IKZF1: variants seen among roughly 807,000 people sequenced by gnomAD.
IKZF1 encodes IKAROS family zinc finger 1.
IKZF1 carries 10 observed loss-of-function variants against 51.7 expected under a neutral mutation model. The ratio of observed to expected loss-of-function variants is 0.19; its 90% confidence interval spans 0.12 to 0.33. The LOEUF (loss-of-function observed/expected upper bound fraction) is 0.33, where lower values mean the gene tolerates loss of function less well. IKZF1 is among the 10% of genes least tolerant of loss of function. IKZF1 has a pLI of 1.00. For missense variants in IKZF1, 484 were observed against 707.5 expected (o/e 0.68, Z 3.58); for synonymous variants, 280 against 282.3 (o/e 0.99, Z 0.08).
At chr7:50,364,778 G>A (rs1313003400) in intron 3 of IKZF1, among the ~76,000 whole-genome samples, 2 of 152,240 alleles carry the variant, frequency 1.3e-5, no homozygotes, top group South Asian at 4.1e-4. Context: ...AGCTCTCAGT[G>A]ACTGCTGTGC....
intron 2 of IKZF1, among the ~76,000 whole-genome samples, chr7:50,325,056 A>G (rs967290642): frequency 3.9e-5 from 6 of 152,048 alleles, no homozygotes; most frequent in African/African-American, 7.2e-5. Context: ...CGCCCTGTAC[A>G]TGTTTACTCA....
chr7:50,373,648 A>C (rs1357572262), intron 3 of IKZF1, among the ~76,000 whole-genome samples: 1 of 152,224 alleles, frequency 6.6e-6, no homozygotes, highest in African/African-American at 2.4e-5. Context: ...AAAAACCACA[A>C]GGTAAATGAT....
intron 6 of IKZF1, among the ~76,000 whole-genome samples, chr7:50,390,334 G>T (rs1814702068): frequency 6.6e-6 from 1 of 152,192 alleles, no homozygotes; most frequent in African/African-American, 2.4e-5. Flanking sequence ...CTTAATAGAT[G>T]AAGTGTGTGA....
chr7:50,330,447 A>G (rs1461221757), intron 3 of IKZF1, among the ~76,000 whole-genome samples: 1 of 152,168 alleles, frequency 6.6e-6, no homozygotes, highest in Non-Finnish European at 1.5e-5. Context: ...GCAAAAGCCT[A>G]CATGACAAAC....
chr7:50,383,246 C>T (rs1240954811), intron 5 of IKZF1, among the ~76,000 whole-genome samples: 1 of 152,138 alleles, frequency 6.6e-6, no homozygotes, highest in Non-Finnish European at 1.5e-5. Context: ...GTTACAGAGG[C>T]CAGTCTGGGG....
chr7:50,396,732 G>A (rs76799056), intron 7 of IKZF1, among the ~76,000 whole-genome samples: 2,021 of 152,250 alleles, frequency 0.013, 43 homozygotes, highest in African/African-American at 0.044. Flanking sequence ...AATCCTGAAA[G>A]AATGCCAAAG....
chr7:50,382,746 C>T, intron 5 of IKZF1, 39 bp downstream of exon 5: 2 of 1,572,418 alleles, frequency 1.3e-6, no homozygotes, highest in South Asian at 1.1e-5. Flanking sequence ...GTCTGGGTGT[C>T]CCGGGATTCC....
chr7:50,326,257 G>A (rs1251002509), intron 2 of IKZF1, among the ~76,000 whole-genome samples: 1 of 152,126 alleles, frequency 6.6e-6, no homozygotes, highest in Non-Finnish European at 1.5e-5. Flanking sequence ...TTTAATGTTT[G>A]GTTCATCATT....
rs1445361327 is a variant in IKZF1, at chr7:50,401,353, C to A, written c.*726C>A. On this transcript the variant is annotated 3_prime_UTR_variant, in exon 8 of 8. Coordinates refer to ENST00000331340, the MANE Select transcript of IKZF1 (RefSeq NM_006060.6). ...GGATTCACTGGCTTTGCGGAGGCTG[C>A]TCAGATGGCCTGAGCCTCCCGAGGC... 3 of 229,416 alleles carry A rather than the reference C, an allele frequency of 1.3e-5. No homozygotes were observed. The highest frequency in any genetic ancestry group is 2.6e-5 in the Non-Finnish European group (3 of 115,598). The allele number at this position is 229,416 out of a possible 1,614,324, so 14.2% of individuals were successfully genotyped here. A position where few individuals can be genotyped will look rare whatever the true frequency, so the allele number is the denominator to read the frequency against.
intron 3 of IKZF1, among the ~76,000 whole-genome samples, chr7:50,346,593 A>G (rs78167433): frequency 2.4e-3 from 358 of 152,216 alleles, no homozygotes; most frequent in African/African-American, 8.2e-3. Flanking sequence ...GCATTCTTCA[A>G]TGTGCCCAAG....
At chr7:50,348,655 TG>T (rs1025639284) in intron 3 of IKZF1, among the ~76,000 whole-genome samples, 5 of 152,186 alleles carry the variant, frequency 3.3e-5, no homozygotes, top group African/African-American at 1.2e-4. Flanking sequence ...TGCCAGATAT[TG>T]TTAAGTCAGC....
chr7:50,348,178 T>G (rs1353322560), intron 3 of IKZF1, among the ~76,000 whole-genome samples: 1 of 152,234 alleles, frequency 6.6e-6, no homozygotes, highest in African/African-American at 2.4e-5. Context: ...ATCCCATCAG[T>G]CAGCCATACT....
At chr7:50,397,563 A>G (rs1230174869) in intron 7 of IKZF1, among the ~76,000 whole-genome samples, 1 of 152,184 alleles carries the variant, frequency 6.6e-6, no homozygotes, top group African/African-American at 2.4e-5. Context: ...AGACTTTTAT[A>G]TTTAGCAAAA....
At chr7:50,358,511 T>C (rs761600763) in intron 3 of IKZF1, among the ~76,000 whole-genome samples, 6 of 152,168 alleles carry the variant, frequency 3.9e-5, no homozygotes, top group Non-Finnish European at 5.9e-5. Context: ...TATGGTGACA[T>C]GAGGCTGGCG....
intron 2 of IKZF1, among the ~76,000 whole-genome samples, chr7:50,323,198 C>T (rs1038477935): frequency 1.3e-5 from 2 of 152,184 alleles, no homozygotes; most frequent in African/African-American, 4.8e-5. Context: ...GAAGAAAATA[C>T]AGTTATCATT....
chr7:50,395,658 T>C lies in IKZF1; in HGVS notation c.850+3795T>C, dbSNP rs1816505300. Reference sequence around the variant, plus strand: ...TTATTACTAACTCTATTTAAATAGATTCAAGGATCAGACCCTGCCCTTTTC... The same window carrying C: ...TTATTACTAACTCTATTTAAATAGACTCAAGGATCAGACCCTGCCCTTTTC... On this transcript the variant is annotated intron_variant, in intron 7 of 7. Transcript: ENST00000331340. 2.0e-5 allele frequency among the ~76,000 whole-genome samples: 3 copies of C among 152,222 alleles called. No individual in the cohort carries two copies. The South Asian group carries it at 6.2e-4, about 32-fold the overall frequency.
Position 50,343,128 on chromosome 7 carries a change from C to T in IKZF1, c.160+15371C>T, listed in dbSNP as rs561117551. ...CTCTTTTTTTCTTTCCTCCCTCCCTCCCTTTCTTTCTTCCTTCCTTTCTTT... is the reference window on the plus strand; with the variant it reads ...CTCTTTTTTTCTTTCCTCCCTCCCTTCCTTTCTTTCTTCCTTCCTTTCTTT... On this transcript the variant is annotated intron_variant, in intron 3 of 7. Transcript: ENST00000331340. 9.6e-4 allele frequency among the ~76,000 whole-genome samples: 135 copies of T among 140,646 alleles called. 1 individual carries two copies. The Middle Eastern group carries it at 0.014, about 14-fold the overall frequency. 92.3% of individuals were successfully genotyped at this position (140,646 alleles called of 152,430 possible). A position where few individuals can be genotyped will look rare whatever the true frequency, so the allele number is the denominator to read the frequency against.
chr7:50,387,272 T>C, intron 5 of IKZF1, 73 bp from the exon 6 acceptor site: 1 of 1,518,856 alleles, frequency 6.6e-7, no homozygotes, highest in Non-Finnish European at 8.9e-7. Context: ...GTAATAATTG[T>C]ATTGCATGCA....
chr7:50,391,437 T>G (rs532018893), intron 6 of IKZF1, among the ~76,000 whole-genome samples: 1 of 152,376 alleles, frequency 6.6e-6, no homozygotes, highest in Admixed American at 6.5e-5. Flanking sequence ...ACATCAATAC[T>G]TAATCCCAGT....
Sources: gnomAD v4.1 joint callset for allele counts (sites outside exome capture counted in the v4.1 genomes callset) on GRCh38, gnomAD v4.1.1 for gene constraint, MANE v1.5 for transcripts, NCBI Gene and HGNC (gene_info 2026-07-23, HGNC 2026-07-21) for gene names.